Variants in CACNA2D3 observed in about 807,000 individuals in gnomAD.
The protein encoded by CACNA2D3 is voltage-dependent calcium channel subunit alpha-2/delta-3.
In CACNA2D3, 60 loss-of-function variants were observed where a neutral mutation model predicts 160.6. That is an observed-to-expected ratio of 0.37 (90% CI 0.30 to 0.46). CACNA2D3 has a LOEUF of 0.46. Ranked by LOEUF, CACNA2D3 falls within the 20% of genes least tolerant of loss-of-function variation. The probability of loss-of-function intolerance (pLI) is 1.00; values close to 1 mark genes in which losing one functional copy is unlikely to be tolerated. For synonymous variants in CACNA2D3, 558 were observed against 492.9 expected (o/e 1.13, Z -1.75); for missense variants, 1,205 against 1,365.0 (o/e 0.88, Z 1.85).
chr3:54,452,390 G>A (rs1010136755), intron 4 of CACNA2D3, among the ~76,000 whole-genome samples: 10 of 152,184 alleles, frequency 6.6e-5, no homozygotes, highest in Non-Finnish European at 1.5e-4. Flanking sequence ...GACACATGGA[G>A]ATTATTACAA....
At chr3:54,203,924 G>A (rs546216872) in intron 2 of CACNA2D3, among the ~76,000 whole-genome samples, 74 of 151,992 alleles carry the variant, frequency 4.9e-4, no homozygotes, top group African/African-American at 1.7e-3. Flanking sequence ...ACATTTGGGC[G>A]CGAAAGCAAG....
chr3:54,232,044 C>A (rs1701778685), intron 2 of CACNA2D3, among the ~76,000 whole-genome samples: 1 of 152,234 alleles, frequency 6.6e-6, no homozygotes, highest in South Asian at 2.1e-4. Context: ...CAGGAATGAC[C>A]TCCTCTGTGG....
At chr3:54,836,675 A>G (rs2106756153) in intron 14 of CACNA2D3, among the ~76,000 whole-genome samples, 1 of 152,292 alleles carries the variant, frequency 6.6e-6, no homozygotes, top group South Asian at 2.1e-4. Context: ...GAGAGGTAAA[A>G]CAGCCTTGAC....
At chr3:54,568,915 G>GA (rs1387896495) in intron 6 of CACNA2D3, among the ~76,000 whole-genome samples, 1 of 152,018 alleles carries the variant, frequency 6.6e-6, no homozygotes, top group East Asian at 1.9e-4. Context: ...TTGTTAATCG[G>GA]AAAAAAAGAA....
rs183407708 is a variant in CACNA2D3, at chr3:54,752,325, G to A, written c.1168-274G>A. Among the ~76,000 whole-genome samples the A allele has an allele frequency of 3.9e-5, 6 of 152,292 alleles. No individual in the cohort carries two copies. In the East Asian group the frequency reaches 1.2e-3, roughly 29 times the overall value. ...GTGTGGAGCAAGCCCAGGCCTGTGA[G>A]GCTGCCAGTCTCCCATTCCCAGTTA... On this transcript the variant is annotated intron_variant, in intron 11 of 37. Transcript: ENST00000474759.
At chr3:54,498,552 G>A (rs1163803739) in intron 4 of CACNA2D3, among the ~76,000 whole-genome samples, 1 of 151,406 alleles carries the variant, frequency 6.6e-6, no homozygotes, top group Admixed American at 6.6e-5. Flanking sequence ...ATTTTTTCCT[G>A]TTACTTGTTT....
At chr3:54,943,830 A>T (rs370799216) in intron 27 of CACNA2D3, among the ~76,000 whole-genome samples, 71 of 151,096 alleles carry the variant, frequency 4.7e-4, no homozygotes, top group African/African-American at 1.7e-3. Context: ...TCTCTTCCCT[A>T]TTTTTCTCTG....
intron 9 of CACNA2D3, among the ~76,000 whole-genome samples, chr3:54,605,189 G>T (rs1698575847): frequency 6.6e-6 from 1 of 152,068 alleles, no homozygotes; most frequent in African/African-American, 2.4e-5. Flanking sequence ...TGCATTAGGG[G>T]TCCAACCTAC....
intron 3 of CACNA2D3, among the ~76,000 whole-genome samples, chr3:54,358,912 C>T (rs754562290): frequency 8.6e-5 from 13 of 151,892 alleles, no homozygotes; most frequent in Non-Finnish European, 1.5e-4. Flanking sequence ...TTTTTTCCTC[C>T]CACCTTCCTT....
At chr3:54,439,273 A>C (rs1324441122) in intron 4 of CACNA2D3, among the ~76,000 whole-genome samples, 2 of 151,948 alleles carry the variant, frequency 1.3e-5, no homozygotes, top group Admixed American at 1.3e-4. Flanking sequence ...CTTGCAAATT[A>C]AGGAAACCCA....
At chr3:54,653,078 G>A (rs866385489) in intron 11 of CACNA2D3, among the ~76,000 whole-genome samples, 15 of 152,140 alleles carry the variant, frequency 9.9e-5, no homozygotes, top group South Asian at 2.1e-4. Flanking sequence ...CCACCGTGCC[G>A]GACATATGGG....
At chr3:54,251,864 T>C (rs1317842604) in intron 2 of CACNA2D3, among the ~76,000 whole-genome samples, 2 of 152,218 alleles carry the variant, frequency 1.3e-5, no homozygotes, top group African/African-American at 2.4e-5. Context: ...ATTTCACTTA[T>C]AAGACAGAAC....
intron 11 of CACNA2D3, among the ~76,000 whole-genome samples, chr3:54,687,135 G>GTTTTTTTTTTTTTTT (rs1290353261): frequency 2.2e-5 from 2 of 88,894 alleles, no homozygotes; most frequent in South Asian, 3.7e-4. Flanking sequence ...TTTTTTTTTT[G>GTTTTTTTTTTTTTTT]TTTTTTTTTT....
At chr3:54,593,700 T>A (rs1170394481) in intron 9 of CACNA2D3, among the ~76,000 whole-genome samples, 1 of 152,226 alleles carries the variant, frequency 6.6e-6, no homozygotes, top group Non-Finnish European at 1.5e-5. Context: ...TTTCCAGGTA[T>A]GTTTCTCCCT....
intron 17 of CACNA2D3, among the ~76,000 whole-genome samples, chr3:54,853,513 C>T (rs140716792): frequency 2.4e-4 from 36 of 152,238 alleles, no homozygotes; most frequent in African/African-American, 7.7e-4. Flanking sequence ...TTCATCCCTC[C>T]CTATCCCCTC....
intron 27 of CACNA2D3, among the ~76,000 whole-genome samples, chr3:54,916,447 G>A (rs969206228): frequency 6.6e-6 from 1 of 152,166 alleles, no homozygotes; most frequent in African/African-American, 2.4e-5. Flanking sequence ...TGGGTCAGCA[G>A]GCTTTCCTTG....
chr3:54,736,069 ATATACATATATATGTATG>A (rs1701508607), intron 11 of CACNA2D3, among the ~76,000 whole-genome samples: 1 of 26,232 alleles, frequency 3.8e-5, no homozygotes, highest in Non-Finnish European at 1.2e-4. Flanking sequence ...ATGTATATAT[ATATACATATATATGTATG>A]TGTATATATA....
chr3:54,635,123 T>C (rs544163048), intron 10 of CACNA2D3, among the ~76,000 whole-genome samples: 4 of 150,988 alleles, frequency 2.6e-5, no homozygotes, highest in African/African-American at 9.8e-5. Context: ...TGGTAAGGGG[T>C]GATATTGTGG....
rs1451098645 is a variant in CACNA2D3, at chr3:55,026,580, T to C, written c.2987+8263T>C. ...CTGGAAGAAATAGCACCTAACACAATATCACCAGGGTGAGAAGTTGGGTAT... is the reference window on the plus strand; with the variant it reads ...CTGGAAGAAATAGCACCTAACACAACATCACCAGGGTGAGAAGTTGGGTAT... On this transcript the variant is annotated intron_variant, in intron 35 of 37. Coordinates refer to ENST00000474759, the MANE Select transcript of CACNA2D3 (RefSeq NM_018398.3). Among the ~76,000 whole-genome samples, 5 of 152,130 alleles carry C rather than the reference T, an allele frequency of 3.3e-5. No individual in the cohort carries two copies. In the East Asian group the frequency reaches 9.6e-4, roughly 29 times the overall value.
Sources: allele counts gnomAD v4.1 joint callset (sites outside exome capture counted in the v4.1 genomes callset), GRCh38; gene constraint gnomAD v4.1.1; transcripts MANE v1.5; gene names NCBI Gene and HGNC (gene_info 2026-07-23, HGNC 2026-07-21).